The following HS3ST4 variants were observed in gnomAD, a reference collection of about 807,000 sequenced individuals.
HS3ST4 encodes heparan sulfate glucosamine 3-O-sulfotransferase 4.
In HS3ST4, 17 loss-of-function variants were observed where a neutral mutation model predicts 29.2. The ratio of observed to expected loss-of-function variants is 0.58; its 90% CI spans 0.40 to 0.87. HS3ST4 has a LOEUF of 0.87. Ranked by LOEUF, HS3ST4 falls within the 40% of genes least tolerant of loss-of-function variation. The probability of loss-of-function intolerance (pLI) is 0.00; values close to 1 mark genes in which losing one functional copy is unlikely to be tolerated. For missense variants in HS3ST4, 627 were observed against 634.5 expected (o/e 0.99, Z 0.13); for synonymous variants, 314 against 285.7 (o/e 1.10, Z -1.00).
chr16:25,821,668 T>G (rs1031536668), intron 1 of HS3ST4, among the ~76,000 whole-genome samples: 1 of 152,212 alleles, frequency 6.6e-6, no homozygotes, highest in East Asian at 1.9e-4. Context: ...GGCTCACACC[T>G]GTAATCCTAG....
At chr16:25,979,441 G>T (rs1968980270) in intron 1 of HS3ST4, among the ~76,000 whole-genome samples, 1 of 152,144 alleles carries the variant, frequency 6.6e-6, no homozygotes, top group Non-Finnish European at 1.5e-5. Flanking sequence ...CCTCCTGTCA[G>T]ATCAGCAGAG....
intron 1 of HS3ST4, among the ~76,000 whole-genome samples, chr16:26,126,395 C>T (rs914628549): frequency 1.3e-5 from 2 of 152,250 alleles, no homozygotes; most frequent in African/African-American, 4.8e-5. Flanking sequence ...ACTTATATAG[C>T]GCTTATGATG....
intron 1 of HS3ST4, among the ~76,000 whole-genome samples, chr16:25,845,721 T>G (rs973108540): frequency 1.3e-5 from 2 of 151,606 alleles, no homozygotes; most frequent in African/African-American, 4.8e-5. Context: ...GATATTGTAT[T>G]TCTTTCTTTC....
chr16:26,073,539 A>AT (rs1295178554), intron 1 of HS3ST4, among the ~76,000 whole-genome samples: 2 of 151,756 alleles, frequency 1.3e-5, no homozygotes, highest in African/African-American at 4.8e-5. Context: ...TGCGTGGCTA[A>AT]TTTTTTGTAT....
chr16:25,780,676 G>A (rs1257921563), intron 1 of HS3ST4, among the ~76,000 whole-genome samples: 1 of 152,202 alleles, frequency 6.6e-6, no homozygotes, highest in Non-Finnish European at 1.5e-5. Flanking sequence ...CTCATCTGTT[G>A]TGTTGGTAAA....
chr16:25,707,849 C>T (rs1311145094), intron 1 of HS3ST4, among the ~76,000 whole-genome samples: 1 of 152,190 alleles, frequency 6.6e-6, no homozygotes, highest in East Asian at 1.9e-4. Flanking sequence ...GTCTTATGTC[C>T]TCCCTTCATT....
chr16:25,719,801 T>G lies in HS3ST4; in HGVS notation c.734+26650T>G, dbSNP rs952835008. Among the ~76,000 whole-genome samples, 4 of 152,336 alleles carry G rather than the reference T, an allele frequency of 2.6e-5. No homozygotes were observed. The South Asian group carries it at 8.3e-4, about 32-fold the overall frequency. Reference sequence around the variant, plus strand: ...TGCTCTACATCCTCCTGCCCATAACTGGATCACATTCATTTATCATATTAT... The same window carrying G: ...TGCTCTACATCCTCCTGCCCATAACGGGATCACATTCATTTATCATATTAT... On this transcript the variant is annotated intron_variant, in intron 1 of 1. Transcript: ENST00000331351.
intron 1 of HS3ST4, among the ~76,000 whole-genome samples, chr16:25,851,405 C>T (rs985301420): frequency 7.2e-5 from 11 of 152,094 alleles, no homozygotes. Flanking sequence ...TTGAGTAGAG[C>T]CTTCCATTTG....
chr16:25,854,636 C>T (rs963261435), intron 1 of HS3ST4, among the ~76,000 whole-genome samples: 3 of 152,012 alleles, frequency 2.0e-5, no homozygotes, highest in African/African-American at 7.2e-5. Flanking sequence ...GGTTCAAACG[C>T]CTCTGACATT....
At chr16:25,874,151 T>C (rs567977045) in intron 1 of HS3ST4, among the ~76,000 whole-genome samples, 3 of 152,292 alleles carry the variant, frequency 2.0e-5, no homozygotes, top group Admixed American at 2.0e-4. Context: ...TGTTGTATCC[T>C]TACCCCTAGT....
rs577723599 is a variant in HS3ST4, at chr16:25,719,548, A to G, written c.734+26397A>G. Among the ~76,000 whole-genome samples the G allele has an allele frequency of 9.2e-5, 14 of 152,342 alleles. No individual in the cohort carries two copies. The South Asian group carries it at 1.9e-3, about 20-fold the overall frequency. On this transcript the variant is annotated intron_variant, in intron 1 of 1. Coordinates refer to ENST00000331351, the MANE Select transcript of HS3ST4 (RefSeq NM_006040.3). ...GATTCAGCAGTTTATCGGTATAGGAAGGGAAAGCTGTTTACATCCTTCCAT... is the reference window on the plus strand; with the variant it reads ...GATTCAGCAGTTTATCGGTATAGGAGGGGAAAGCTGTTTACATCCTTCCAT...
intron 1 of HS3ST4, among the ~76,000 whole-genome samples, chr16:25,697,049 C>T (rs1352295853): frequency 6.6e-6 from 1 of 152,190 alleles, no homozygotes; most frequent in Non-Finnish European, 1.5e-5. Context: ...GATTTCTTCC[C>T]TTGTACCACA....
chr16:25,716,947 G>A (rs1018684358), intron 1 of HS3ST4, among the ~76,000 whole-genome samples: 12 of 152,030 alleles, frequency 7.9e-5, no homozygotes, highest in East Asian at 1.9e-4. Flanking sequence ...CCAGCTACTC[G>A]GGAGGCTGAG....
chr16:26,093,082 C>T (rs972992483), intron 1 of HS3ST4, among the ~76,000 whole-genome samples: 1 of 152,134 alleles, frequency 6.6e-6, no homozygotes, highest in African/African-American at 2.4e-5. Context: ...AACAAAGTGG[C>T]CGGGAAGCTT....
chr16:26,118,652 G>A (rs1899230597), intron 1 of HS3ST4, among the ~76,000 whole-genome samples: 1 of 152,122 alleles, frequency 6.6e-6, no homozygotes, highest in African/African-American at 2.4e-5. Context: ...GGATGGCACA[G>A]GTCCAGACAT....
intron 1 of HS3ST4, among the ~76,000 whole-genome samples, chr16:25,921,795 C>A (rs947836928): frequency 1.3e-5 from 2 of 150,826 alleles, no homozygotes; most frequent in African/African-American, 4.9e-5. Context: ...TGCTCTGTCA[C>A]CCAGGCTAGA....
At chr16:25,949,334 A>G (rs1049835739) in intron 1 of HS3ST4, among the ~76,000 whole-genome samples, 8 of 152,106 alleles carry the variant, frequency 5.3e-5, no homozygotes, top group African/African-American at 1.9e-4. Flanking sequence ...TTTGGTACCC[A>G]TTCACCGTCC....
chr16:25,764,903 C>T (rs1379791937), intron 1 of HS3ST4, among the ~76,000 whole-genome samples: 1 of 152,198 alleles, frequency 6.6e-6, no homozygotes. Context: ...GTATTATTTG[C>T]AGTAAGAGTA....
chr16:26,108,858 G>A (rs779804756), intron 1 of HS3ST4, among the ~76,000 whole-genome samples: 11 of 152,118 alleles, frequency 7.2e-5, no homozygotes, highest in South Asian at 2.1e-4. Flanking sequence ...GTGATTAATC[G>A]GAAATTCCTT....
Sources: allele counts gnomAD v4.1 joint callset (sites outside exome capture counted in the v4.1 genomes callset), GRCh38; gene constraint gnomAD v4.1.1; transcripts MANE v1.5; gene names NCBI Gene and HGNC (gene_info 2026-07-23, HGNC 2026-07-21).